KIAA1958: variants seen among roughly 807,000 people sequenced by gnomAD.
KIAA1958 encodes uncharacterized protein KIAA1958.
A neutral mutation model predicts 47.2 loss-of-function variants in KIAA1958; 14 were observed. The ratio of observed to expected loss-of-function variants is 0.30; its 90% confidence interval spans 0.20 to 0.46. The LOEUF is 0.46. Ranked by LOEUF, KIAA1958 falls within the 20% of genes least tolerant of loss-of-function variation. The pLI, the probability that KIAA1958 is intolerant of heterozygous loss-of-function variation, is 1.00. For synonymous variants in KIAA1958, 354 were observed against 353.3 expected, an observed-to-expected ratio of 1.00 and a Z score of -0.02; for missense variants, 803 against 909.2, an observed-to-expected ratio of 0.88 and a Z score of 1.50.
chr9:112,630,088 G>T (rs1484984819), intron 2 of KIAA1958, among the ~76,000 whole-genome samples: 3 of 152,068 alleles, frequency 2.0e-5, no homozygotes, highest in Non-Finnish European at 2.9e-5. Context: ...CACTGAAGTT[G>T]GGGGGAAGCC....
In KIAA1958 at chr9:112,574,512, G is replaced by T. The variant is rs1835601536; in HGVS notation, c.432G>T (p.Leu144=). 6.2e-7 allele frequency: 1 copy of T among 1,614,008 alleles called. No individual in the cohort carries two copies. Among genetic ancestry groups the T allele is most frequent in the Non-Finnish European group, 8.5e-7 (1 of 1,180,038 alleles). The change falls in exon 2 of 4, where the codon CTG becomes CTT. Residue 144 remains leucine, a synonymous_variant. Transcript: ENST00000337530. ...TVEEYEDENT[L]FDMVCESSVT... ...AAGAATATGAAGATGAGAACACCCT[G>T]TTTGACATGGTTTGTGAGTCTTCTG...
intron 1 of KIAA1958, among the ~76,000 whole-genome samples, chr9:112,567,959 C>CAAAAA (rs35931681): frequency 9.4e-4 from 62 of 66,094 alleles, no homozygotes; most frequent in Admixed American, 1.5e-3. Context: ...GAATCCATCT[C>CAAAAA]AAAAAAAAAA....
intron 1 of KIAA1958, among the ~76,000 whole-genome samples, chr9:112,537,546 A>G (rs1013220761): frequency 2.6e-5 from 4 of 152,262 alleles, no homozygotes; most frequent in African/African-American, 9.6e-5. Flanking sequence ...AAGATGCTTA[A>G]CATCATTAGT....
intron 2 of KIAA1958, among the ~76,000 whole-genome samples, chr9:112,635,271 G>C (rs1836786854): frequency 7.0e-6 from 1 of 142,366 alleles, no homozygotes; most frequent in Non-Finnish European, 1.5e-5. Flanking sequence ...TGTGTTTTGA[G>C]ACAGGGTCTG....
intron 1 of KIAA1958, among the ~76,000 whole-genome samples, chr9:112,503,758 T>C (rs963593185): frequency 1.3e-5 from 2 of 151,746 alleles, no homozygotes; most frequent in African/African-American, 4.8e-5. Flanking sequence ...TCTGGCAAAA[T>C]GAAAAATCCC....
At chr9:112,605,073 G>GTA (rs1476162090) in intron 2 of KIAA1958, among the ~76,000 whole-genome samples, 8 of 145,942 alleles carry the variant, frequency 5.5e-5, no homozygotes, top group Non-Finnish European at 7.5e-5. Flanking sequence ...ATATAAATTT[G>GTA]TATATATATA....
intron 1 of KIAA1958, among the ~76,000 whole-genome samples, chr9:112,563,085 C>CTCTCTCTCTCTCCCTATA (rs10655286): frequency 7.6e-6 from 1 of 131,542 alleles, no homozygotes; most frequent in Non-Finnish European, 1.6e-5. Context: ...CTCTCTCTCT[C>CTCTCTCTCTCTCCCTATA]TATATATATA....
Position 112,574,884 on chromosome 9 carries a change from T to C in KIAA1958, c.804T>C (p.Gly268=). The C allele has an allele frequency of 6.2e-7, 1 of 1,614,094 alleles. No homozygotes were observed. Among genetic ancestry groups the C allele is most frequent in the Non-Finnish European group, 8.5e-7 (1 of 1,180,010 alleles). ...SAISTELDPH[G]MSASPSVISR... ...TCAGCACGGAGCTAGACCCACACGGTATGTCTGCATCCCCCTCTGTGATCT... is the reference window on the plus strand; with the variant it reads ...TCAGCACGGAGCTAGACCCACACGGCATGTCTGCATCCCCCTCTGTGATCT... The change falls in exon 2 of 4, where the codon GGT becomes GGC. Residue 268 remains glycine, a synonymous_variant. Transcript: ENST00000337530.
intron 2 of KIAA1958, among the ~76,000 whole-genome samples, chr9:112,592,967 GA>G (rs938363301): frequency 3.3e-5 from 5 of 151,976 alleles, no homozygotes; most frequent in Non-Finnish European, 2.9e-5. Flanking sequence ...TTTTATGAAA[GA>G]AAAAAAGCTG....
chr9:112,643,835 A>T (rs1265506238), intron 2 of KIAA1958, among the ~76,000 whole-genome samples: 1 of 152,134 alleles, frequency 6.6e-6, no homozygotes, highest in African/African-American at 2.4e-5. Context: ...AAGGTTATGT[A>T]AAAGTGGATT....
intron 1 of KIAA1958, among the ~76,000 whole-genome samples, chr9:112,496,264 C>T (rs955776111): frequency 6.6e-6 from 1 of 152,140 alleles, no homozygotes; most frequent in Non-Finnish European, 1.5e-5. Context: ...CAGCTGCATG[C>T]AGTAGTATGT....
chr9:112,511,757 A>T (rs1247418880), intron 1 of KIAA1958, among the ~76,000 whole-genome samples: 1 of 152,236 alleles, frequency 6.6e-6, no homozygotes, highest in African/African-American at 2.4e-5. Flanking sequence ...AATTAAAAAA[A>T]TTTTAAAAAT....
At chr9:112,646,194 C>G (rs985573537) in intron 3 of KIAA1958, among the ~76,000 whole-genome samples, 2 of 151,958 alleles carry the variant, frequency 1.3e-5, no homozygotes, top group Admixed American at 6.6e-5. Flanking sequence ...GAGACAGACT[C>G]ACTTGACTAC....
At chr9:112,503,741 A>G (rs1172912985) in intron 1 of KIAA1958, among the ~76,000 whole-genome samples, 1 of 151,888 alleles carries the variant, frequency 6.6e-6, no homozygotes, top group Non-Finnish European at 1.5e-5. Flanking sequence ...TAGATCATGT[A>G]GAACCTTCTG....
At chr9:112,518,289 T>G (rs1834473457) in intron 1 of KIAA1958, among the ~76,000 whole-genome samples, 1 of 152,232 alleles carries the variant, frequency 6.6e-6, no homozygotes, top group Non-Finnish European at 1.5e-5. Context: ...ATAGCAACCT[T>G]ATTTGTAAAG....
rs149886426 is a variant in KIAA1958 at position 112,629,662 on chromosome 9, C to T, written c.1172-15988C>T. Among the ~76,000 whole-genome samples the T allele has an allele frequency of 3.0e-3, 457 of 152,254 alleles. 3 individuals carry two copies. The highest frequency in any genetic ancestry group is 0.014 in the Middle Eastern group (4 of 294). On this transcript the variant is annotated intron_variant, in intron 2 of 3. Transcript: ENST00000337530. ...CTCACTGTTTTTGCTTCATATTTGT[C>T]TGTGTACTTGTGCTCTAAATAAAAA...
intron 2 of KIAA1958, among the ~76,000 whole-genome samples, chr9:112,598,856 C>G (rs180865643): frequency 1.3e-5 from 2 of 152,034 alleles, no homozygotes; most frequent in Admixed American, 1.3e-4. Flanking sequence ...GTGGGAGGAT[C>G]GCTTGATGCC....
At chr9:112,572,965 C>T (rs1317666245) in intron 1 of KIAA1958, among the ~76,000 whole-genome samples, 1 of 152,116 alleles carries the variant, frequency 6.6e-6, no homozygotes, top group Non-Finnish European at 1.5e-5. Context: ...ACCAGCGGGG[C>T]ACCTCTTGTC....
At chr9:112,657,826 G>T (rs1192063665) in intron 3 of KIAA1958, among the ~76,000 whole-genome samples, 1 of 150,932 alleles carries the variant, frequency 6.6e-6, no homozygotes. Flanking sequence ...AGCTCATTCT[G>T]TCAAGACAGT....
Sources: allele counts gnomAD v4.1 joint callset (sites outside exome capture counted in the v4.1 genomes callset), GRCh38; gene constraint gnomAD v4.1.1; transcripts MANE v1.5; gene names NCBI Gene and HGNC (gene_info 2026-07-23, HGNC 2026-07-21).